The following NRXN3 variants were observed in gnomAD, a reference collection of about 807,000 sequenced individuals.
NRXN3 encodes the protein neurexin III.
A neutral mutation model predicts 137.6 loss-of-function variants in NRXN3; 32 were observed. That is an observed-to-expected ratio of 0.23 (90% CI 0.18 to 0.31). The LOEUF (loss-of-function observed/expected upper bound fraction) is 0.31. Ranked by LOEUF, NRXN3 falls within the 10% of genes least tolerant of loss-of-function variation. The pLI, the probability that NRXN3 is intolerant of heterozygous loss-of-function variation, is 1.00. For missense variants in NRXN3, 1,574 were observed against 2,062.5 expected (o/e 0.76, Z 4.59); for synonymous variants, 798 against 784.5 (o/e 1.02, Z -0.29).
At chr14:79,652,908 A>T (rs1038794611) in intron 16 of NRXN3, among the ~76,000 whole-genome samples, 1 of 151,968 alleles carries the variant, frequency 6.6e-6, no homozygotes, top group Non-Finnish European at 1.5e-5. Context: ...GGTTGGGGGT[A>T]AGTAAGGACC....
At chr14:78,408,421 A>C (rs761581977) in intron 4 of NRXN3, among the ~76,000 whole-genome samples, 4 of 152,240 alleles carry the variant, frequency 2.6e-5, no homozygotes, top group Admixed American at 6.5e-5. Flanking sequence ...CATTGCATGG[A>C]ACTAGGGAGT....
At position 78,435,479 on chromosome 14, in the gene NRXN3, C is replaced by T. The variant is rs78475402; in HGVS notation, c.757+137619C>T. On this transcript the variant is annotated intron_variant, in intron 4 of 20. Transcript: ENST00000335750. ...TTGCTCTGCCTCCTGGGTTAGTCAC[C>T]GCACTCACATTAAAGACCTTTTTCT... Among the ~76,000 whole-genome samples, 562 of 152,222 alleles carry T rather than the reference C, an allele frequency of 3.7e-3. 25 individuals are homozygous for T. In the East Asian group the frequency reaches 0.067, roughly 18 times the overall value.
chr14:78,918,987 G>T (rs1460486000), intron 10 of NRXN3, among the ~76,000 whole-genome samples: 1 of 152,088 alleles, frequency 6.6e-6, no homozygotes, highest in Non-Finnish European at 1.5e-5. Context: ...TTGAGAATAT[G>T]AATACACATG....
chr14:79,149,651 A>G (rs186727064), intron 15 of NRXN3, among the ~76,000 whole-genome samples: 84 of 152,242 alleles, frequency 5.5e-4, no homozygotes, highest in African/African-American at 1.8e-3. Flanking sequence ...TGTGGTACAT[A>G]TACACCATGG....
intron 10 of NRXN3, among the ~76,000 whole-genome samples, chr14:78,868,152 C>T (rs1015524760): frequency 9.2e-5 from 14 of 151,386 alleles, no homozygotes; most frequent in African/African-American, 3.4e-4. Context: ...ATCCAGGAAC[C>T]TTGTGATGTA....
At chr14:78,267,793 G>A (rs1219446485) in intron 2 of NRXN3, among the ~76,000 whole-genome samples, 4 of 152,212 alleles carry the variant, frequency 2.6e-5, no homozygotes, top group Non-Finnish European at 5.9e-5. Flanking sequence ...TGCTAAGTAT[G>A]ATAATAGAAG....
chr14:79,556,083 A>G (rs1006288960), intron 16 of NRXN3, among the ~76,000 whole-genome samples: 57 of 152,120 alleles, frequency 3.7e-4, no homozygotes, highest in African/African-American at 1.4e-3. Flanking sequence ...CACATTATCT[A>G]CACAGACACC....
At chr14:79,753,789 T>C (rs1328381513) in intron 19 of NRXN3, among the ~76,000 whole-genome samples, 1 of 152,072 alleles carries the variant, frequency 6.6e-6, no homozygotes, top group Non-Finnish European at 1.5e-5. Flanking sequence ...CATTCTCATA[T>C]GCCTAACACG....
chr14:79,715,027 C>T (rs1603447929), intron 19 of NRXN3, among the ~76,000 whole-genome samples: 3 of 152,262 alleles, frequency 2.0e-5, no homozygotes, highest in Non-Finnish European at 1.5e-5. Context: ...GATCGGGGCT[C>T]ACTGCAACCT....
intron 10 of NRXN3, among the ~76,000 whole-genome samples, chr14:78,865,646 C>T (rs2152545667): frequency 6.6e-6 from 1 of 152,262 alleles, no homozygotes; most frequent in Admixed American, 6.5e-5. Context: ...CTTGTCTTCT[C>T]CAACACCATC....
chr14:78,613,620 G>C (rs896999103), intron 4 of NRXN3, among the ~76,000 whole-genome samples: 56 of 129,164 alleles, frequency 4.3e-4, no homozygotes, highest in African/African-American at 1.6e-3. Context: ...GAAAGGAATA[G>C]AGCTAGCCAG....
At chr14:78,262,537 G>C (rs2070918325) in intron 2 of NRXN3, among the ~76,000 whole-genome samples, 1 of 152,128 alleles carries the variant, frequency 6.6e-6, no homozygotes, top group Non-Finnish European at 1.5e-5. Context: ...TCGAATAGCT[G>C]CACCGTGTGG....
intron 1 of NRXN3, among the ~76,000 whole-genome samples, chr14:78,188,138 T>C (rs190761760): frequency 3.4e-4 from 52 of 152,312 alleles, no homozygotes; most frequent in Non-Finnish European, 1.3e-4. Flanking sequence ...TAGTAAGTGT[T>C]ACATCCGGGA....
chr14:79,259,271 T>C (rs929199342), intron 15 of NRXN3, among the ~76,000 whole-genome samples: 8 of 152,202 alleles, frequency 5.3e-5, no homozygotes, highest in African/African-American at 1.9e-4. Flanking sequence ...TAGACTTCCT[T>C]ATCTGCTGTT....
intron 10 of NRXN3, among the ~76,000 whole-genome samples, chr14:78,927,166 GT>G (rs1273016874): frequency 7.4e-6 from 1 of 135,712 alleles, no homozygotes; most frequent in Non-Finnish European, 1.5e-5. Context: ...AAAAAAAAAA[GT>G]TTTTTTCAGA....
At chr14:78,642,707 C>T (rs1601778617) in intron 4 of NRXN3, among the ~76,000 whole-genome samples, 1 of 152,328 alleles carries the variant, frequency 6.6e-6, no homozygotes, top group East Asian at 1.9e-4. Flanking sequence ...ACCTCCAGGT[C>T]TCCTGAGCAG....
chr14:79,589,443 A>T (rs1567590573), intron 16 of NRXN3, among the ~76,000 whole-genome samples: 2 of 147,234 alleles, frequency 1.4e-5, no homozygotes, highest in African/African-American at 5.0e-5. Flanking sequence ...GGCTTATTCC[A>T]TTTTTTTTTC....
chr14:79,284,904 AT>A (rs2081998031), intron 15 of NRXN3, among the ~76,000 whole-genome samples: 5 of 152,190 alleles, frequency 3.3e-5, no homozygotes, highest in Admixed American at 3.3e-4. Flanking sequence ...TGGTTGACAG[AT>A]CAAATGATAA....
At chr14:79,018,031 G>A (rs1188971156) in intron 15 of NRXN3, among the ~76,000 whole-genome samples, 2 of 151,606 alleles carry the variant, frequency 1.3e-5, no homozygotes, top group Non-Finnish European at 2.9e-5. Context: ...AGGCTGAGGC[G>A]GGAGGATCAC....
Sources: gnomAD v4.1 joint callset for allele counts (sites outside exome capture counted in the v4.1 genomes callset) on GRCh38, gnomAD v4.1.1 for gene constraint, MANE v1.5 for transcripts, NCBI Gene and HGNC (gene_info 2026-07-23, HGNC 2026-07-21) for gene names.